GBF1: variants seen among roughly 807,000 people sequenced by gnomAD.
The protein encoded by GBF1 is Golgi-specific brefeldin A-resistance guanine nucleotide exchange factor 1.
In GBF1, 114 loss-of-function variants were observed where a neutral mutation model predicts 210.5. That is an observed-to-expected ratio of 0.54 (90% CI 0.47 to 0.63). The LOEUF (loss-of-function observed/expected upper bound fraction) is 0.63. GBF1 is among the 30% of genes least tolerant of loss of function. The pLI is 0.00. For synonymous variants in GBF1, 850 were observed against 889.2 expected (o/e 0.96, Z 0.78); for missense variants, 1,851 against 2,357.7 (o/e 0.79, Z 4.45).
Position 102,320,852 on chromosome 10 carries a change from G to T in GBF1, c.164-23199G>T, listed in dbSNP as rs545776376. Among the ~76,000 whole-genome samples the T allele has an allele frequency of 7.3e-5, 11 of 151,596 alleles. No individual in the cohort carries two copies. The South Asian group carries it at 2.3e-3, about 32-fold the overall frequency. ...GCCCAGACTGGAGTGCAGTGGTGCA[G>T]TCTCGGAGTCTCGGCTCACTACAAC... is the stretch of plus-strand genomic sequence containing the variant. On this transcript the variant is annotated intron_variant, in intron 3 of 39. Coordinates refer to ENST00000369983, the MANE Select transcript of GBF1 (RefSeq NM_001377137.1).
intron 3 of GBF1, among the ~76,000 whole-genome samples, chr10:102,328,684 T>G (rs965254208): frequency 6.6e-6 from 1 of 152,178 alleles, no homozygotes; most frequent in Non-Finnish European, 1.5e-5. Context: ...TTATTGAGAC[T>G]GGGGACTGTC....
chr10:102,326,779 T>C (rs1373153798), intron 3 of GBF1, among the ~76,000 whole-genome samples: 1 of 152,238 alleles, frequency 6.6e-6, no homozygotes, highest in Non-Finnish European at 1.5e-5. Context: ...GATATACTCT[T>C]TCATAGCTAG....
chr10:102,379,842 A>G lies in GBF1; in HGVS notation c.4777-11A>G, dbSNP rs770525053. On this transcript the variant is annotated splice_polypyrimidine_tract_variant and intron_variant, in intron 35 of 39. Coordinates refer to ENST00000369983, the MANE Select transcript of GBF1 (RefSeq NM_001377137.1). Reference sequence around the variant, plus strand: ...CCTCATAGGGAGACATTGCACATTTACCCCCACCAGGTGCTGTTTCCTCTA... The same window carrying G: ...CCTCATAGGGAGACATTGCACATTTGCCCCCACCAGGTGCTGTTTCCTCTA... The G allele has an allele frequency of 2.5e-6, 4 of 1,596,720 alleles. No individual in the cohort carries two copies. In the South Asian group the frequency reaches 4.4e-5, roughly 18 times the overall value.
intron 3 of GBF1, among the ~76,000 whole-genome samples, chr10:102,319,325 C>T (rs914144760): frequency 4.6e-5 from 7 of 151,750 alleles, no homozygotes; most frequent in Non-Finnish European, 5.9e-5. Flanking sequence ...GTCTCAACAA[C>T]AACAACAACA....
chr10:102,277,238 A>C (rs2075070524), intron 3 of GBF1, among the ~76,000 whole-genome samples: 1 of 152,080 alleles, frequency 6.6e-6, no homozygotes, highest in Non-Finnish European at 1.5e-5. Context: ...TAAGAGGATC[A>C]CTTAAATCTG....
intron 4 of GBF1, among the ~76,000 whole-genome samples, chr10:102,349,936 C>T (rs1232313213): frequency 6.6e-6 from 1 of 152,144 alleles, no homozygotes; most frequent in Non-Finnish European, 1.5e-5. Flanking sequence ...TCCTGCCTAC[C>T]CCCCAGCTAG....
intron 3 of GBF1, among the ~76,000 whole-genome samples, chr10:102,338,859 T>C (rs969979910): frequency 4.6e-5 from 7 of 152,008 alleles, no homozygotes; most frequent in Non-Finnish European, 7.4e-5. Context: ...ATCTGAATAA[T>C]GGAGAGACAT....
chr10:102,362,050 C>CTTTTTTTTTTTTTTTTT (rs1164670758), intron 14 of GBF1, 138 bp downstream of exon 14: 33 of 124,744 alleles, frequency 2.6e-4, no homozygotes, highest in African/African-American at 3.1e-4. Context: ...CTTTTCTTTT[C>CTTTTTTTTTTTTTTTTT]TTTTTTTTTT....
intron 3 of GBF1, among the ~76,000 whole-genome samples, chr10:102,269,097 G>A (rs1383506771): frequency 2.6e-5 from 4 of 152,202 alleles, no homozygotes; most frequent in African/African-American, 9.7e-5. Flanking sequence ...CTGGCTGTCT[G>A]TTGGCTGGGT....
rs1470623865 is a variant in GBF1 at position 102,382,651 on chromosome 10, A to C, written c.*315A>C. 3.2e-6 allele frequency: 1 copy of C among 314,108 alleles called. No homozygotes were observed. Among genetic ancestry groups the C allele is most frequent in the Non-Finnish European group, 5.9e-6 (1 of 170,618 alleles). The allele number at this position is 314,108 out of a possible 1,614,324, so 19.5% of individuals were successfully genotyped here. The stretch of plus-strand genomic sequence containing the variant: ...TGTGCCGGCCCTGCAGTGCCTGCCC[A>C]CGGTCAGGCATTGAAAACTAAGCCC... On this transcript the variant is annotated 3_prime_UTR_variant, in exon 40 of 40. Transcript: ENST00000369983.
chr10:102,246,813 G>A (rs184683337), intron 1 of GBF1, among the ~76,000 whole-genome samples: 1 of 152,132 alleles, frequency 6.6e-6, no homozygotes, highest in African/African-American at 2.4e-5. Context: ...GTTTTTTAAT[G>A]CACAATGTGG....
chr10:102,359,332 G>A lies in GBF1; in HGVS notation c.1077G>A (p.Glu359=), dbSNP rs1405134084. Residue 359 remains glutamate (E), a synonymous_variant, in exon 11 of 40, where the codon GAG becomes GAA. Coordinates refer to ENST00000369983, the MANE Select transcript of GBF1 (RefSeq NM_001377137.1). ...ASVESIPEVL[E]ECTSPADHSD... ...TGGAGTCCATCCCTGAAGTGTTAGAGGAGTGCACGTCCCCTGCCGACCACT... is the reference window on the plus strand; with the variant it reads ...TGGAGTCCATCCCTGAAGTGTTAGAAGAGTGCACGTCCCCTGCCGACCACT... 5.0e-6 allele frequency: 8 copies of A among 1,610,300 alleles called. No homozygotes were observed. The South Asian group carries it at 8.8e-5, about 18-fold the overall frequency.
intron 3 of GBF1, among the ~76,000 whole-genome samples, chr10:102,306,693 G>C (rs904499110): frequency 1.3e-5 from 2 of 152,232 alleles, no homozygotes; most frequent in Non-Finnish European, 2.9e-5. Context: ...CAAAGTGCTG[G>C]GATTACAGGC....
At chr10:102,301,955 T>C (rs1386607146) in intron 3 of GBF1, among the ~76,000 whole-genome samples, 1 of 152,200 alleles carries the variant, frequency 6.6e-6, no homozygotes. Context: ...ATCACGCCAC[T>C]GCACTCCAGC....
chr10:102,353,372 T>G (rs151334476), intron 7 of GBF1, among the ~76,000 whole-genome samples: 1 of 152,306 alleles, frequency 6.6e-6, no homozygotes, highest in Non-Finnish European at 1.5e-5. Context: ...CCAAGGGCAC[T>G]TACCTTGCTC....
intron 3 of GBF1, among the ~76,000 whole-genome samples, chr10:102,282,224 C>T (rs1184778413): frequency 1.3e-5 from 2 of 151,922 alleles, no homozygotes; most frequent in Non-Finnish European, 2.9e-5. Flanking sequence ...TGTGAGCCAC[C>T]GCGCCCGGCC....
Position 102,358,105 on chromosome 10 carries a change from C to G in GBF1, c.706C>G (p.Pro236Ala). ...GAAGAAACAGAAGAGATCCCCTCGG[C>G]CCCCACGCCATATGACCAAAGTCAC... ...KWKKQKRSPR[P>A]PRHMTKVTPG... The change falls in exon 9 of 40, where the codon CCC becomes GCC. Residue 236 changes from proline to alanine, a missense_variant. Physicochemically the swap from Pro to Ala is conservative, Grantham distance 27. Transcript: ENST00000369983. The G allele has an allele frequency of 6.2e-7, 1 of 1,609,538 alleles. No homozygotes were observed. The highest frequency in any genetic ancestry group is 8.5e-7 in the Non-Finnish European group (1 of 1,175,816).
chr10:102,303,584 CTGAG>C (rs1257578568), intron 3 of GBF1, among the ~76,000 whole-genome samples: 2 of 152,160 alleles, frequency 1.3e-5, no homozygotes, highest in Non-Finnish European at 2.9e-5. Context: ...ACTGCTACAC[CTGAG>C]TGAGAACAGG....
chr10:102,323,778 G>T (rs1245333745), intron 3 of GBF1, among the ~76,000 whole-genome samples: 1 of 152,078 alleles, frequency 6.6e-6, no homozygotes, highest in Non-Finnish European at 1.5e-5. Context: ...GAATCTGAAG[G>T]GGGTAGCAAG....
Sources: allele counts gnomAD v4.1 joint callset (sites outside exome capture counted in the v4.1 genomes callset), GRCh38; gene constraint gnomAD v4.1.1; transcripts MANE v1.5; gene names NCBI Gene and HGNC (gene_info 2026-07-23, HGNC 2026-07-21).